Variants in ALCAM observed in about 807,000 individuals in gnomAD.
ALCAM encodes CD166 antigen.
A neutral mutation model predicts 70.9 loss-of-function variants in ALCAM; 30 were observed. That is an observed-to-expected ratio of 0.42 (90% CI 0.32 to 0.57). The LOEUF is 0.57. ALCAM is among the 20% of genes least tolerant of loss of function. The pLI is 0.11. For missense variants in ALCAM, 591 were observed against 695.1 expected (o/e 0.85, Z 1.68); for synonymous variants, 249 against 242.5 (o/e 1.03, Z -0.25).
chr3:105,534,885 A>C, intron 6 of ALCAM, 40 bp downstream of exon 6: 1 of 1,514,080 alleles, frequency 6.6e-7, no homozygotes, highest in Non-Finnish European at 8.9e-7. Context: ...TTAATGTATT[A>C]GAAATAATAT....
chr3:105,571,339 T>A (rs1260391573), intron 14 of ALCAM, among the ~76,000 whole-genome samples: 1 of 152,206 alleles, frequency 6.6e-6, no homozygotes, highest in East Asian at 1.9e-4. Flanking sequence ...TTGTCGATGT[T>A]CTATCATAAA....
intron 3 of ALCAM, among the ~76,000 whole-genome samples, chr3:105,529,136 A>G (rs1009864326): frequency 6.6e-6 from 1 of 152,194 alleles, no homozygotes; most frequent in Non-Finnish European, 1.5e-5. Flanking sequence ...GCTTCTAACT[A>G]CTTAAGATAG....
intron 1 of ALCAM, among the ~76,000 whole-genome samples, chr3:105,441,341 T>C (rs1442263195): frequency 2.6e-5 from 4 of 152,198 alleles, no homozygotes; most frequent in African/African-American, 9.7e-5. Context: ...TGGCTTAAGT[T>C]ACTGGTTCAG....
intron 1 of ALCAM, among the ~76,000 whole-genome samples, chr3:105,467,876 C>G (rs1005765998): frequency 2.0e-5 from 3 of 151,192 alleles, no homozygotes; most frequent in African/African-American, 7.3e-5. Flanking sequence ...TGCCTTCAAG[C>G]ACTTATAAAA....
chr3:105,537,871 C>CA (rs1940012495), intron 6 of ALCAM, among the ~76,000 whole-genome samples: 1 of 151,862 alleles, frequency 6.6e-6, no homozygotes, highest in Non-Finnish European at 1.5e-5. Flanking sequence ...ATATAGATGC[C>CA]AAACAAATGA....
At chr3:105,491,515 C>A (rs1392898508) in intron 1 of ALCAM, among the ~76,000 whole-genome samples, 2 of 152,176 alleles carry the variant, frequency 1.3e-5, no homozygotes, top group East Asian at 3.8e-4. Context: ...ACATAAGTTC[C>A]ATTTCCAAAT....
Position 105,382,456 on chromosome 3 carries a change from G to A in ALCAM, c.73+14975G>A, listed in dbSNP as rs1179500097. ...TTATAGTCCTTTGGGTATATACCCA[G>A]TAATGGGATGGCTGGGTCAAATGGT... On this transcript the variant is annotated intron_variant, in intron 1 of 15. Coordinates refer to ENST00000306107, the MANE Select transcript of ALCAM (RefSeq NM_001627.4). Among the ~76,000 whole-genome samples, 7 of 152,016 alleles carry A rather than the reference G, an allele frequency of 4.6e-5. No homozygotes were observed. In the South Asian group the frequency reaches 1.4e-3, roughly 31 times the overall value.
chr3:105,383,442 A>AAT (rs2107339119), intron 1 of ALCAM, among the ~76,000 whole-genome samples: 1 of 151,954 alleles, frequency 6.6e-6, no homozygotes, highest in South Asian at 2.1e-4. Context: ...ATGACAATTG[A>AAT]ATAAAGGCAT....
intron 3 of ALCAM, among the ~76,000 whole-genome samples, chr3:105,530,410 G>T (rs1213789513): frequency 6.6e-6 from 1 of 151,946 alleles, no homozygotes; most frequent in Non-Finnish European, 1.5e-5. Flanking sequence ...CCCAGAAACT[G>T]GTGTCTATTT....
intron 1 of ALCAM, among the ~76,000 whole-genome samples, chr3:105,504,736 G>A (rs1275084977): frequency 3.3e-5 from 5 of 152,190 alleles, no homozygotes; most frequent in Non-Finnish European, 7.3e-5. Flanking sequence ...CAGGATGGGG[G>A]CATGGCAGGC....
chr3:105,540,033 G>A lies in ALCAM; in HGVS notation c.789G>A (p.Gly263=). 2.5e-6 allele frequency: 4 copies of A among 1,612,450 alleles called. No individual in the cohort carries two copies. Among genetic ancestry groups the A allele is most frequent in the South Asian group, 1.1e-5 (1 of 91,030 alleles). The change falls in exon 7 of 16, where the codon GGG becomes GGA. Residue 263 remains glycine, a synonymous_variant. Coordinates refer to ENST00000306107, the MANE Select transcript of ALCAM (RefSeq NM_001627.4). ...VLPPKNAIKE[G]DNITLKCLGN... The stretch of plus-strand genomic sequence containing the variant: ...CACCAAAAAATGCCATCAAAGAAGG[G>A]GATAACATCACTCTTAAATGCTTAG...
rs542414269 is a variant in ALCAM at position 105,549,985 on chromosome 3, T to C, written c.1375-142T>C. On this transcript the variant is annotated intron_variant, in intron 11 of 15. Coordinates refer to ENST00000306107, the MANE Select transcript of ALCAM (RefSeq NM_001627.4). ...TGTAGATATTGGCATACATGGGTCT[T>C]GATCTATGATCTTACATAGCTTTTG... is the stretch of plus-strand genomic sequence containing the variant. 5 of 583,160 alleles carry C rather than the reference T, an allele frequency of 8.6e-6. No homozygotes were observed. The African/African-American group carries it at 9.5e-5, about 11-fold the overall frequency. 36.1% of individuals were successfully genotyped at this position (583,160 alleles called of 1,614,324 possible).
At chr3:105,396,406 G>T (rs542060919) in intron 1 of ALCAM, among the ~76,000 whole-genome samples, 1 of 152,004 alleles carries the variant, frequency 6.6e-6, no homozygotes, top group East Asian at 1.9e-4. Flanking sequence ...GACTCAAAGG[G>T]CAAAACTGAA....
chr3:105,524,909 C>G (rs1939656971), intron 3 of ALCAM: 1 of 986,486 alleles, frequency 1.0e-6, no homozygotes, highest in African/African-American at 1.7e-5. Context: ...TTGGCTGAAC[C>G]AAATGAAATT....
chr3:105,507,786 A>G (rs1025795147), intron 1 of ALCAM, among the ~76,000 whole-genome samples: 33 of 152,180 alleles, frequency 2.2e-4, no homozygotes, highest in Admixed American at 6.5e-4. Flanking sequence ...TAATTGTGAA[A>G]AGTGTTTTTG....
intron 1 of ALCAM, among the ~76,000 whole-genome samples, chr3:105,481,928 G>A (rs920887156): frequency 3.3e-5 from 5 of 151,886 alleles, no homozygotes; most frequent in South Asian, 2.1e-4. Flanking sequence ...ACATTTATTC[G>A]CTTTTTCACT....
At chr3:105,479,238 T>A (rs1337628691) in intron 1 of ALCAM, among the ~76,000 whole-genome samples, 1 of 152,180 alleles carries the variant, frequency 6.6e-6, no homozygotes, top group Non-Finnish European at 1.5e-5. Context: ...TTATGACTTA[T>A]GGTAATTTTC....
At position 105,553,493 on chromosome 3, in the gene ALCAM, T is replaced by C. The variant is rs184797087; in HGVS notation, c.1664+908T>C. Among the ~76,000 whole-genome samples the C allele has an allele frequency of 2.6e-5, 4 of 151,972 alleles. No homozygotes were observed. In the East Asian group the frequency reaches 7.8e-4, roughly 29 times the overall value. ...TAGCTAGTGGAACTTTGGACTTAAT[T>C]TTATATTATGTCTGATATGTCCCCT... is the stretch of plus-strand genomic sequence containing the variant. On this transcript the variant is annotated intron_variant, in intron 14 of 15. Transcript: ENST00000306107.
intron 14 of ALCAM, among the ~76,000 whole-genome samples, chr3:105,560,613 C>A (rs7643664): frequency 0.42 from 64,414 of 151,842 alleles, 14,671 homozygotes; most frequent in East Asian, 0.68. Context: ...TTGCTTATCC[C>A]AAAATGGCAA....
Sources: gnomAD v4.1 joint callset for allele counts (sites outside exome capture counted in the v4.1 genomes callset) on GRCh38, gnomAD v4.1.1 for gene constraint, MANE v1.5 for transcripts, NCBI Gene and HGNC (gene_info 2026-07-23, HGNC 2026-07-21) for gene names.